Variants in PI4KA observed in about 807,000 individuals in gnomAD.
PI4KA encodes the protein PI4-kinase alpha.
Under a neutral mutation model 271.4 loss-of-function variants are expected in PI4KA, and 122 were observed. The observed-to-expected ratio is 0.45, with a 90% CI of 0.39 to 0.52. The LOEUF (loss-of-function observed/expected upper bound fraction) is 0.52, where lower values mean the gene tolerates loss of function less well. Ranked by LOEUF, PI4KA falls within the 20% of genes least tolerant of loss-of-function variation. The pLI is 0.00. For synonymous variants in PI4KA, 1,041 were observed against 1,078.8 expected, an observed-to-expected ratio of 0.96 and a Z score of 0.69; for missense variants, 1,969 against 2,769.1, an observed-to-expected ratio of 0.71 and a Z score of 6.48.
intron 8 of PI4KA, among the ~76,000 whole-genome samples, chr22:20,812,151 C>G (rs1406454660): frequency 6.6e-6 from 1 of 152,108 alleles, no homozygotes; most frequent in Non-Finnish European, 1.5e-5. Context: ...CTGGGAACAG[C>G]CATCTGTGAA....
chr22:20,855,432 G>A (rs1374348380), intron 1 of PI4KA, among the ~76,000 whole-genome samples: 1 of 152,136 alleles, frequency 6.6e-6, no homozygotes, highest in South Asian at 2.1e-4. Flanking sequence ...TATATTTAAT[G>A]GGGTCAGCCA....
intron 17 of PI4KA, among the ~76,000 whole-genome samples, chr22:20,797,395 C>T (rs1204821735): frequency 1.3e-5 from 2 of 151,984 alleles, no homozygotes; most frequent in Admixed American, 6.6e-5. Context: ...AGGCAGCTGG[C>T]GAGGCAGCTG....
chr22:20,845,332 G>C (rs965866990), intron 1 of PI4KA, among the ~76,000 whole-genome samples: 1 of 152,108 alleles, frequency 6.6e-6, no homozygotes. Context: ...GTATTTGTAA[G>C]GTATTTAGGT....
chr22:20,823,849 G>C (rs1009681375), intron 4 of PI4KA, among the ~76,000 whole-genome samples: 1 of 152,144 alleles, frequency 6.6e-6, no homozygotes, highest in Non-Finnish European at 1.5e-5. Context: ...TCTTAGGAGG[G>C]AGGCTGGCTT....
chr22:20,770,917 C>T (rs183249690), intron 19 of PI4KA, among the ~76,000 whole-genome samples: 1 of 152,136 alleles, frequency 6.6e-6, no homozygotes, highest in Non-Finnish European at 1.5e-5. Context: ...AGGTAGTTCA[C>T]GCCTGTCTTC....
chr22:20,779,537 G>C (rs1390621879), intron 19 of PI4KA: 4 of 1,614,036 alleles, frequency 2.5e-6, no homozygotes, highest in Admixed American at 3.3e-5. Context: ...AGGGGGAGGA[G>C]GACGACGACT....
chr22:20,798,707 A>G lies in PI4KA; in HGVS notation c.2005-20T>C. ...GTATTGCTGGGAGAGAGCAAGATGC[A>G]CTGTCACCATGCAGGATGCCCTCAT... On this transcript the variant is annotated intron_variant, in intron 16 of 54. Transcript: ENST00000255882. 1 of 1,519,726 alleles carries G rather than the reference A, an allele frequency of 6.6e-7. No individual in the cohort carries two copies. The highest frequency in any genetic ancestry group is 9.1e-7 in the Non-Finnish European group (1 of 1,093,914). The allele number at this position is 1,519,726 out of a possible 1,614,324, so 94.1% of individuals were successfully genotyped here.
intron 8 of PI4KA, 46 bp downstream of exon 8, chr22:20,813,312 T>C: frequency 7.5e-7 from 1 of 1,325,990 alleles, no homozygotes; most frequent in Non-Finnish European, 1.0e-6. Context: ...ACTAGCAATT[T>C]TACTGACATA....
chr22:20,710,662 C>T (rs375551371), intron 52 of PI4KA, 37 bp downstream of exon 52: 501 of 1,610,100 alleles, frequency 3.1e-4, no homozygotes, highest in South Asian at 1.6e-3. Context: ...TTCCACACAC[C>T]CCCTCCGCCT....
intron 39 of PI4KA, 111 bp from the exon 40 acceptor site, chr22:20,727,975 A>G: frequency 1.5e-6 from 1 of 688,832 alleles, no homozygotes; most frequent in Non-Finnish European, 2.5e-6. Flanking sequence ...AGGGATTCAC[A>G]TCAATACCAA....
intron 19 of PI4KA, among the ~76,000 whole-genome samples, chr22:20,771,604 C>CTTTATTT (rs1932878471): frequency 4.8e-5 from 7 of 145,530 alleles, no homozygotes; most frequent in African/African-American, 1.8e-4. Flanking sequence ...TTTATTTAGA[C>CTTTATTT]AGAGTCTCAC....
At chr22:20,843,841 C>T (rs1925905205) in intron 1 of PI4KA, among the ~76,000 whole-genome samples, 1 of 152,162 alleles carries the variant, frequency 6.6e-6, no homozygotes, top group South Asian at 2.1e-4. Context: ...TCAATGGTTC[C>T]CCATTGCCCA....
At chr22:20,798,179 G>A (rs1387157655) in intron 17 of PI4KA, among the ~76,000 whole-genome samples, 2 of 152,122 alleles carry the variant, frequency 1.3e-5, no homozygotes, top group African/African-American at 2.4e-5. Flanking sequence ...TTTATTAGTG[G>A]GAAAACTGGA....
chr22:20,801,555 C>T (rs895928083), intron 14 of PI4KA, among the ~76,000 whole-genome samples: 4 of 145,312 alleles, frequency 2.8e-5, no homozygotes, highest in African/African-American at 5.1e-5. Context: ...ATTGCACTCC[C>T]GCCCCAGGCA....
intron 19 of PI4KA, among the ~76,000 whole-genome samples, chr22:20,776,872 G>C (rs934473989): frequency 6.6e-6 from 1 of 151,906 alleles, no homozygotes; most frequent in African/African-American, 2.4e-5. Context: ...CAGAGTATCC[G>C]AACAGTTACC....
At chr22:20,818,650 T>TC (rs1922165230) in intron 6 of PI4KA, 101 bp from the exon 7 acceptor site, 1 of 838,848 alleles carries the variant, frequency 1.2e-6, no homozygotes, top group East Asian at 3.1e-5. Flanking sequence ...TGTTTGTACT[T>TC]CAAGTTCTGG....
chr22:20,751,809 G>C lies in PI4KA; in HGVS notation c.2988-54C>G, dbSNP rs961872281. On this transcript the variant is annotated intron_variant, in intron 25 of 54. Transcript: ENST00000255882. ...AGAGCCAAACCTCCAAGGAAGGTCT[G>C]CTTCTAGGAGCCCCCTCAGCTGCCA... The C allele has an allele frequency of 5.4e-6, 8 of 1,492,010 alleles. No individual in the cohort carries two copies. In the African/African-American group the frequency reaches 1.1e-4, roughly 21 times the overall value. The allele number at this position is 1,492,010 out of a possible 1,614,324, so 92.4% of individuals were successfully genotyped here. A position where few individuals can be genotyped will look rare whatever the true frequency, so the allele number is the denominator to read the frequency against.
At chr22:20,732,898 C>A (rs1555882463) in intron 36 of PI4KA, 73 bp downstream of exon 36, 10 of 1,587,060 alleles carry the variant, frequency 6.3e-6, no homozygotes, top group Middle Eastern at 2.3e-4. Flanking sequence ...ACCTCTGGCA[C>A]CCTCGGGGCA....
intron 23 of PI4KA, among the ~76,000 whole-genome samples, chr22:20,759,965 G>A (rs1252050248): frequency 6.6e-6 from 1 of 152,144 alleles, no homozygotes; most frequent in Non-Finnish European, 1.5e-5. Context: ...TTCCCAAAGT[G>A]CTGGGATTAC....
Sources: gnomAD v4.1 joint callset for allele counts (sites outside exome capture counted in the v4.1 genomes callset) on GRCh38, gnomAD v4.1.1 for gene constraint, MANE v1.5 for transcripts, NCBI Gene and HGNC (gene_info 2026-07-23, HGNC 2026-07-21) for gene names.